Variants in GLIS3 observed in about 807,000 individuals in gnomAD.
GLIS3 encodes the protein GLIS family zinc finger 3.
Under a neutral mutation model 78.6 loss-of-function variants are expected in GLIS3, and 53 were observed. That is an observed-to-expected ratio of 0.67 (90% CI 0.54 to 0.85). The LOEUF (loss-of-function observed/expected upper bound fraction) is 0.85. GLIS3 is among the 40% of genes least tolerant of loss of function. GLIS3 has a pLI of 0.00. For synonymous variants in GLIS3, 684 were observed against 509.9 expected (o/e 1.34, Z -4.60); for missense variants, 1,703 against 1,231.1 (o/e 1.38, Z -5.74).
the GLIS3 span, among the ~76,000 whole-genome samples, chr9:4,395,732 C>A: frequency 6.6e-6 from 1 of 151,700 alleles, no homozygotes. Context: ...TCGTTTACTA[C>A]GGACACTGAG....
At chr9:4,408,714 C>G in the GLIS3 span, among the ~76,000 whole-genome samples, 16 of 105,978 alleles carry the variant, frequency 1.5e-4, no homozygotes, top group African/African-American at 5.2e-4. Flanking sequence ...GCAACAGAGC[C>G]AGACTCTGTC....
intron 4 of GLIS3, among the ~76,000 whole-genome samples, chr9:4,008,350 A>G (rs1039406522): frequency 5.9e-5 from 9 of 152,180 alleles, no homozygotes; most frequent in Admixed American, 4.6e-4. Flanking sequence ...AGCCCCCAGT[A>G]AGAACACTGG....
At chr9:4,209,876 A>C (rs2131295410) in intron 2 of GLIS3, among the ~76,000 whole-genome samples, 1 of 151,938 alleles carries the variant, frequency 6.6e-6, no homozygotes, top group South Asian at 2.1e-4. Flanking sequence ...CCCCAAGTTG[A>C]GAACCACTGC....
chr9:4,290,915 G>A (rs931715879), intron 1 of GLIS3, among the ~76,000 whole-genome samples: 7 of 152,070 alleles, frequency 4.6e-5, no homozygotes, highest in African/African-American at 1.4e-4. Context: ...GAAACTGGAG[G>A]ATACTATATT....
At chr9:3,979,544 C>A (rs968702526) in intron 4 of GLIS3, among the ~76,000 whole-genome samples, 5 of 152,178 alleles carry the variant, frequency 3.3e-5, no homozygotes, top group Non-Finnish European at 7.3e-5. Context: ...CCTCTATGTG[C>A]TTCAGTTTCT....
In GLIS3 at chr9:4,045,272, T is replaced by C. The variant is rs193073177; in HGVS notation, c.1710+72496A>G. On this transcript the variant is annotated intron_variant, in intron 4 of 10. Coordinates refer to ENST00000381971, the MANE Select transcript of GLIS3 (RefSeq NM_001042413.2). ...AGGAAACTGATGTACACACTGGACC[T>C]TGTGGATTTCACGTAACTAAAAAGC... 2.6e-5 allele frequency among the ~76,000 whole-genome samples: 4 copies of C among 152,270 alleles called. No individual in the cohort carries two copies. In the East Asian group the frequency reaches 7.7e-4, roughly 29 times the overall value.
intron 9 of GLIS3, among the ~76,000 whole-genome samples, chr9:3,836,480 G>A (rs1207713874): frequency 1.3e-5 from 2 of 152,220 alleles, no homozygotes; most frequent in Non-Finnish European, 2.9e-5. Flanking sequence ...CCCAAGGACA[G>A]GGACACAGAA....
the GLIS3 span, among the ~76,000 whole-genome samples, chr9:4,393,205 C>T: frequency 6.6e-6 from 1 of 152,138 alleles, no homozygotes; most frequent in Non-Finnish European, 1.5e-5. Context: ...ATTTGCTGTA[C>T]ATACCTGTAT....
At chr9:4,402,855 G>A in the GLIS3 span, among the ~76,000 whole-genome samples, 1 of 152,158 alleles carries the variant, frequency 6.6e-6, no homozygotes, top group Non-Finnish European at 1.5e-5. Context: ...AGAGTTATTG[G>A]CCTTAAAGAA....
intron 4 of GLIS3, among the ~76,000 whole-genome samples, chr9:3,960,697 A>G (rs1342458354): frequency 6.6e-6 from 1 of 152,214 alleles, no homozygotes; most frequent in African/African-American, 2.4e-5. Flanking sequence ...CACAGGGCCT[A>G]CCAACCCTGG....
chr9:4,433,242 G>T, the GLIS3 span, among the ~76,000 whole-genome samples: 1 of 152,130 alleles, frequency 6.6e-6, no homozygotes, highest in Non-Finnish European at 1.5e-5. Flanking sequence ...GACCAGCCTG[G>T]CCAATATGTT....
At chr9:3,938,657 C>A (rs1364707429) in intron 4 of GLIS3, among the ~76,000 whole-genome samples, 4 of 152,194 alleles carry the variant, frequency 2.6e-5, no homozygotes, top group African/African-American at 9.7e-5. Flanking sequence ...ACATGTTTCA[C>A]AGACATATGT....
At chr9:4,448,701 A>C in the GLIS3 span, among the ~76,000 whole-genome samples, 5 of 152,222 alleles carry the variant, frequency 3.3e-5, no homozygotes, top group Non-Finnish European at 7.3e-5. Context: ...AAATTCTAAG[A>C]GCCTGTGTGA....
At chr9:4,336,571 T>C (rs1381397152) in intron 2 of GLIS3, among the ~76,000 whole-genome samples, 1 of 152,140 alleles carries the variant, frequency 6.6e-6, no homozygotes, top group African/African-American at 2.4e-5. Flanking sequence ...TTCCGTTTTA[T>C]GGAAAAGGAA....
intron 4 of GLIS3, among the ~76,000 whole-genome samples, chr9:4,086,633 C>T (rs1032257286): frequency 3.9e-5 from 6 of 152,182 alleles, no homozygotes; most frequent in African/African-American, 1.4e-4. Flanking sequence ...TGTTAAGAGA[C>T]GGACTTTCCA....
chr9:4,273,299 A>C (rs1165907128), intron 2 of GLIS3, among the ~76,000 whole-genome samples: 1 of 152,190 alleles, frequency 6.6e-6, no homozygotes, highest in Admixed American at 6.5e-5. Context: ...TTTGCCACTT[A>C]AAATGCACTT....
chr9:4,261,064 A>C (rs899814602), intron 2 of GLIS3, among the ~76,000 whole-genome samples: 1 of 152,240 alleles, frequency 6.6e-6, no homozygotes, highest in Non-Finnish European at 1.5e-5. Context: ...GAGATGTTTA[A>C]GCCCAAGCAG....
At chr9:3,845,900 C>T (rs1181556931) in intron 9 of GLIS3, among the ~76,000 whole-genome samples, 1 of 152,216 alleles carries the variant, frequency 6.6e-6, no homozygotes, top group Non-Finnish European at 1.5e-5. Context: ...GTCCTGGGTG[C>T]AATTTCCAGC....
chr9:4,445,754 T>A, the GLIS3 span, among the ~76,000 whole-genome samples: 1 of 152,302 alleles, frequency 6.6e-6, no homozygotes, highest in East Asian at 1.9e-4. Context: ...ACTCAAACTT[T>A]CCATGCAGAT....
Sources: gnomAD v4.1 joint callset for allele counts (sites outside exome capture counted in the v4.1 genomes callset) on GRCh38, gnomAD v4.1.1 for gene constraint, MANE v1.5 for transcripts, NCBI Gene and HGNC (gene_info 2026-07-23, HGNC 2026-07-21) for gene names.